Variants in COL4A4 observed in about 807,000 individuals in gnomAD.
COL4A4 encodes collagen type IV alpha 4 chain, also known as collagen alpha-4(IV) chain.
Under a neutral mutation model 192.9 loss-of-function variants are expected in COL4A4, and 105 were observed. The ratio of observed to expected loss-of-function variants is 0.54; its 90% confidence interval spans 0.46 to 0.64. The LOEUF is 0.64. Ranked by LOEUF, COL4A4 falls within the 30% of genes least tolerant of loss-of-function variation. The pLI is 0.00. For synonymous variants in COL4A4, 762 were observed against 769.9 expected (o/e 0.99, Z 0.17); for missense variants, 1,967 against 2,169.3 (o/e 0.91, Z 1.85).
rs142087722 is a variant in COL4A4 at position 227,025,646 on chromosome 2, C to T, written c.4090+156G>A. Among the ~76,000 whole-genome samples, 150 of 152,140 alleles carry T rather than the reference C, an allele frequency of 9.9e-4. No homozygotes were observed. The South Asian group carries it at 0.016, about 16-fold the overall frequency. On this transcript the variant is annotated intron_variant, in intron 43 of 47. Transcript: ENST00000396625. ...TAATATGAGGTTACTATATCTGTAA[C>T]GAGGAAGCAAAACACTGCAGCTTAA...
chr2:226,987,338 A>G, the COL4A4 span, among the ~76,000 whole-genome samples: 1 of 152,064 alleles, frequency 6.6e-6, no homozygotes, highest in African/African-American at 2.4e-5. Context: ...AACTTAAAGT[A>G]TAAAAAAAAA....
At chr2:227,061,315 C>T (rs1259615447) in intron 26 of COL4A4, among the ~76,000 whole-genome samples, 1 of 152,168 alleles carries the variant, frequency 6.6e-6, no homozygotes, top group African/African-American at 2.4e-5. Context: ...GAGTGTAATT[C>T]CCTGCCCTTT....
chr2:227,094,044 T>C (rs1330205298), intron 20 of COL4A4, 81 bp downstream of exon 20: 1 of 1,350,590 alleles, frequency 7.4e-7, no homozygotes, highest in Non-Finnish European at 1.0e-6. Context: ...TAAAATATTT[T>C]AAAAACTATG....
chr2:227,011,994 G>A (rs1287972786), intron 45 of COL4A4, among the ~76,000 whole-genome samples, 187 bp downstream of exon 45: 1 of 152,212 alleles, frequency 6.6e-6, no homozygotes, highest in African/African-American at 2.4e-5. Flanking sequence ...TTTAACATCA[G>A]TTAGAACATA....
At chr2:227,063,315 A>G (rs1977607644) in intron 25 of COL4A4, among the ~76,000 whole-genome samples, 3 of 152,210 alleles carry the variant, frequency 2.0e-5, no homozygotes, top group Admixed American at 1.3e-4. Context: ...CTGTATCCTA[A>G]AATGGAATTT....
the COL4A4 span, among the ~76,000 whole-genome samples, chr2:226,969,811 C>T: frequency 6.6e-6 from 1 of 152,132 alleles, no homozygotes; most frequent in Non-Finnish European, 1.5e-5. Context: ...AGTAGACTCT[C>T]ATTCTTCATA....
intron 25 of COL4A4, among the ~76,000 whole-genome samples, chr2:227,072,338 C>G (rs1474747873): frequency 6.6e-6 from 1 of 151,914 alleles, no homozygotes; most frequent in African/African-American, 2.4e-5. Context: ...TAAAACCCTA[C>G]TAGATTATAT....
At chr2:227,040,360 C>T (rs530363967) in intron 37 of COL4A4, among the ~76,000 whole-genome samples, 18 of 152,226 alleles carry the variant, frequency 1.2e-4, no homozygotes, top group African/African-American at 4.1e-4. Flanking sequence ...TATCTACTAG[C>T]TCAGATATTC....
intron 44 of COL4A4, among the ~76,000 whole-genome samples, chr2:227,018,064 C>A (rs1245874025): frequency 1.3e-5 from 2 of 152,136 alleles, no homozygotes; most frequent in Admixed American, 6.5e-5. Flanking sequence ...GCAGCCATTT[C>A]TTTTCAGCAC....
intron 25 of COL4A4, among the ~76,000 whole-genome samples, chr2:227,063,516 T>C (rs879334253): frequency 1.3e-5 from 2 of 152,102 alleles, no homozygotes; most frequent in Non-Finnish European, 2.9e-5. Context: ...TATTACTTTG[T>C]TCTAAAACTT....
At chr2:227,057,220 C>T (rs1049088454) in intron 29 of COL4A4, among the ~76,000 whole-genome samples, 6 of 152,118 alleles carry the variant, frequency 3.9e-5, no homozygotes, top group Non-Finnish European at 7.3e-5. Context: ...GTAATGCAAC[C>T]CACTGTGTGT....
intron 42 of COL4A4, 103 bp downstream of exon 42, chr2:227,027,799 A>G: frequency 1.1e-6 from 1 of 872,852 alleles, no homozygotes. Flanking sequence ...AAGGGCTTAA[A>G]TAATAAGAAT....
chr2:227,053,699 C>A (rs1301039030), intron 31 of COL4A4, among the ~76,000 whole-genome samples: 2 of 151,874 alleles, frequency 1.3e-5, no homozygotes, highest in African/African-American at 4.8e-5. Context: ...AGGTGCCCAC[C>A]ACCACACCTG....
chr2:227,049,987 T>C, intron 34 of COL4A4, 81 bp downstream of exon 34: 2 of 1,355,178 alleles, frequency 1.5e-6, no homozygotes, highest in Non-Finnish European at 2.1e-6. Context: ...TTGCTTATCA[T>C]GTAAAAGGCA....
In COL4A4 at chr2:227,022,144, C is replaced by A; in HGVS notation, c.4120G>T (p.Asp1374Tyr). The A allele has an allele frequency of 6.2e-7, 1 of 1,614,158 alleles. No homozygotes were observed. The highest frequency in any genetic ancestry group is 8.5e-7 in the Non-Finnish European group (1 of 1,180,030). The change falls in exon 44 of 48, where the codon GAC (aspartate) becomes TAC (tyrosine). Residue 1374 changes from aspartate to tyrosine, a missense_variant. Coordinates refer to ENST00000396625, the MANE Select transcript of COL4A4 (RefSeq NM_000092.5). The stretch of plus-strand genomic sequence containing the variant: ...GGAAGGCCTGGGATTCGGGGACAGT[C>A]ATCCACATCTGCAGGTGGCCCCGGT... ...GEPGPPADVD[D>Y]CPRIPGLPGA...
At chr2:227,009,431 C>T (rs914411699) in intron 46 of COL4A4, among the ~76,000 whole-genome samples, 49 of 152,230 alleles carry the variant, frequency 3.2e-4, no homozygotes, top group African/African-American at 9.9e-4. Flanking sequence ...GGGCTGGGCA[C>T]GGTGGCTCAC....
chr2:227,155,682 C>A (rs1188261775), intron 1 of COL4A4, among the ~76,000 whole-genome samples: 1 of 152,130 alleles, frequency 6.6e-6, no homozygotes, highest in African/African-American at 2.4e-5. Context: ...CTCCCAAATA[C>A]AATGTGAGGC....
At chr2:227,157,060 A>G (rs1372796827) in intron 1 of COL4A4, among the ~76,000 whole-genome samples, 1 of 152,168 alleles carries the variant, frequency 6.6e-6, no homozygotes, top group East Asian at 1.9e-4. Flanking sequence ...TGGCATATCC[A>G]CCAAAATAGA....
chr2:226,971,100 A>G, the COL4A4 span, among the ~76,000 whole-genome samples: 1 of 152,178 alleles, frequency 6.6e-6, no homozygotes, highest in African/African-American at 2.4e-5. Context: ...TTTGGAACCA[A>G]CTAATTATTT....
Sources: allele counts gnomAD v4.1 joint callset (sites outside exome capture counted in the v4.1 genomes callset), GRCh38; gene constraint gnomAD v4.1.1; transcripts MANE v1.5; gene names NCBI Gene and HGNC (gene_info 2026-07-23, HGNC 2026-07-21).